The following ARHGAP26 variants were observed in gnomAD, a reference collection of about 807,000 sequenced individuals.
ARHGAP26 encodes Rho GTPase activating protein 26, also known as rho GTPase-activating protein 26.
Under a neutral mutation model 104.8 loss-of-function variants are expected in ARHGAP26, and 38 were observed. The ratio of observed to expected loss-of-function variants is 0.36; its 90% CI spans 0.28 to 0.48. The LOEUF (loss-of-function observed/expected upper bound fraction) is 0.48, where lower values mean the gene tolerates loss of function less well. ARHGAP26 is among the 20% of genes least tolerant of loss of function. The pLI is 0.99. For missense variants in ARHGAP26, 704 were observed against 947.9 expected (o/e 0.74, Z 3.38); for synonymous variants, 341 against 340.0 (o/e 1.00, Z -0.03).
chr5:143,089,271 G>A (rs1172479802), intron 17 of ARHGAP26, among the ~76,000 whole-genome samples: 4 of 152,170 alleles, frequency 2.6e-5, no homozygotes, highest in African/African-American at 7.2e-5. Context: ...CCATTTTTAT[G>A]AGCCTCTGCA....
chr5:143,211,063 G>A (rs1809388414), intron 21 of ARHGAP26, among the ~76,000 whole-genome samples: 1 of 152,206 alleles, frequency 6.6e-6, no homozygotes, highest in Non-Finnish European at 1.5e-5. Flanking sequence ...AACAGGATTT[G>A]TCTGTTTTGG....
chr5:143,168,579 A>G (rs1802365134), intron 20 of ARHGAP26: 1 of 149,814 alleles, frequency 6.7e-6, no homozygotes, highest in Non-Finnish European at 1.5e-5. Context: ...TTATAATGTT[A>G]AAAAGCCAAC....
intron 1 of ARHGAP26, among the ~76,000 whole-genome samples, chr5:142,789,624 A>G (rs73795923): frequency 0.056 from 8,526 of 152,248 alleles, 371 homozygotes; most frequent in African/African-American, 0.11. Flanking sequence ...TGCCTTATTT[A>G]TATAATTGTT....
chr5:143,206,683 T>A (rs1314517148), intron 20 of ARHGAP26, among the ~76,000 whole-genome samples: 1 of 152,148 alleles, frequency 6.6e-6, no homozygotes, highest in Non-Finnish European at 1.5e-5. Flanking sequence ...GTACTTCAGA[T>A]CTCCAGTGGC....
intron 1 of ARHGAP26, among the ~76,000 whole-genome samples, chr5:142,820,422 T>C (rs549110263): frequency 6.6e-6 from 1 of 151,876 alleles, no homozygotes; most frequent in Non-Finnish European, 1.5e-5. Flanking sequence ...GTTTGATCTT[T>C]TTAGTCCAAG....
chr5:143,049,824 T>C, intron 14 of ARHGAP26, among the ~76,000 whole-genome samples: 1 of 152,222 alleles, frequency 6.6e-6, no homozygotes, highest in East Asian at 1.9e-4. Flanking sequence ...GTCATGGTCC[T>C]GGGAGAAGCC....
chr5:143,155,701 G>T (rs1315466220), intron 20 of ARHGAP26, among the ~76,000 whole-genome samples: 2 of 152,166 alleles, frequency 1.3e-5, no homozygotes, highest in Non-Finnish European at 2.9e-5. Context: ...CTGTTTTCCA[G>T]CAGAGTGGAA....
chr5:143,019,232 TAAAG>T (rs1167721226), intron 12 of ARHGAP26, among the ~76,000 whole-genome samples: 2 of 152,100 alleles, frequency 1.3e-5, no homozygotes, highest in African/African-American at 4.8e-5. Flanking sequence ...GTATTGGTAA[TAAAG>T]AAGAAGAAAG....
intron 17 of ARHGAP26, among the ~76,000 whole-genome samples, chr5:143,066,648 C>T (rs906366493): frequency 3.9e-5 from 6 of 152,160 alleles, no homozygotes; most frequent in African/African-American, 1.4e-4. Context: ...GGGCTTTCTT[C>T]ATAGTTTTGT....
chr5:143,075,735 G>A (rs1276388178), intron 17 of ARHGAP26, among the ~76,000 whole-genome samples: 3 of 152,174 alleles, frequency 2.0e-5, no homozygotes, highest in African/African-American at 7.2e-5. Context: ...GCCTTGCTCT[G>A]TCACCCAGGC....
At chr5:143,083,722 C>G (rs1313114903) in intron 17 of ARHGAP26, among the ~76,000 whole-genome samples, 1 of 152,210 alleles carries the variant, frequency 6.6e-6, no homozygotes, top group African/African-American at 2.4e-5. Context: ...TGGTCTCAAA[C>G]TCCTGAACTC....
chr5:143,218,023 CAAGT>C (rs1251750779), intron 22 of ARHGAP26, among the ~76,000 whole-genome samples: 2 of 152,182 alleles, frequency 1.3e-5, no homozygotes, highest in East Asian at 3.9e-4. Flanking sequence ...TTTATGTTCT[CAAGT>C]AAGGTCAGCA....
intron 17 of ARHGAP26, among the ~76,000 whole-genome samples, chr5:143,118,828 C>T (rs1236978887): frequency 6.6e-6 from 1 of 151,640 alleles, no homozygotes; most frequent in East Asian, 1.9e-4. Context: ...TTAGGAGATA[C>T]ACCTAATGCT....
chr5:142,853,843 G>A (rs573179062), intron 1 of ARHGAP26, among the ~76,000 whole-genome samples: 1 of 152,218 alleles, frequency 6.6e-6, no homozygotes, highest in South Asian at 2.1e-4. Context: ...TGGGTTATGC[G>A]TGTTTCTGTT....
intron 17 of ARHGAP26, among the ~76,000 whole-genome samples, chr5:143,111,131 G>T (rs1462379632): frequency 6.6e-6 from 1 of 152,220 alleles, no homozygotes; most frequent in African/African-American, 2.4e-5. Context: ...GAAGCTTAGA[G>T]ATTTTATACT....
chr5:142,796,261 C>T (rs1264068936), intron 1 of ARHGAP26, among the ~76,000 whole-genome samples: 2 of 152,194 alleles, frequency 1.3e-5, no homozygotes, highest in East Asian at 1.9e-4. Flanking sequence ...ATCCTATTCT[C>T]TCTGGCCAAA....
At chr5:143,099,587 C>T (rs1792915769) in intron 17 of ARHGAP26, among the ~76,000 whole-genome samples, 1 of 152,224 alleles carries the variant, frequency 6.6e-6, no homozygotes, top group Non-Finnish European at 1.5e-5. Flanking sequence ...CATTCAAATT[C>T]ATTTTCGCAG....
chr5:143,035,995 T>G (rs1378991911), intron 12 of ARHGAP26, among the ~76,000 whole-genome samples: 1 of 148,562 alleles, frequency 6.7e-6, no homozygotes, highest in East Asian at 2.0e-4. Context: ...CCACCTGTTC[T>G]CCAATAACCT....
At chr5:142,892,743 A>G (rs1447846597) in intron 5 of ARHGAP26, among the ~76,000 whole-genome samples, 1 of 152,178 alleles carries the variant, frequency 6.6e-6, no homozygotes, top group African/African-American at 2.4e-5. Flanking sequence ...ATTTTGATAT[A>G]TGCCTATAAT....
Sources: allele counts gnomAD v4.1 joint callset (sites outside exome capture counted in the v4.1 genomes callset), GRCh38; gene constraint gnomAD v4.1.1; transcripts MANE v1.5; gene names NCBI Gene and HGNC (gene_info 2026-07-23, HGNC 2026-07-21).